The following DIS3 variants were observed in gnomAD, a reference collection of about 807,000 sequenced individuals.
DIS3 encodes the protein DIS3 exosome endoribonuclease and 3'-5' exoribonuclease.
Under a neutral mutation model 113.0 loss-of-function variants are expected in DIS3, and 103 were observed. The ratio of observed to expected loss-of-function variants is 0.91; its 90% CI spans 0.78 to 1.07. The LOEUF (loss-of-function observed/expected upper bound fraction) is 1.07, where lower values mean the gene tolerates loss of function less well. DIS3 is among the 50% of genes least tolerant of loss of function. DIS3 has a pLI of 0.00. For missense variants in DIS3, 1,121 were observed against 1,167.1 expected (o/e 0.96, Z 0.58); for synonymous variants, 402 against 394.3 (o/e 1.02, Z -0.23).
chr13:72,778,114 T>C, intron 3 of DIS3, 73 bp downstream of exon 3: 1 of 1,274,308 alleles, frequency 7.8e-7, no homozygotes, highest in Non-Finnish European at 1.1e-6. Flanking sequence ...AGTGAACATC[T>C]GACTATAGGC....
Position 72,755,676 on chromosome 13 carries a change from T to G in DIS3, c.*4119A>C. ...AAATCTTAGATATAAAACTAACTTTTCAAAGATACAAAAGAAATTAAACAG... is the reference window on the plus strand; with the variant it reads ...AAATCTTAGATATAAAACTAACTTTGCAAAGATACAAAAGAAATTAAACAG... On this transcript the variant is annotated 3_prime_UTR_variant, in exon 21 of 21. Transcript: ENST00000377767. The G allele has an allele frequency of 2.6e-6, 1 of 391,878 alleles. No individual in the cohort carries two copies. The highest frequency in any genetic ancestry group is 4.5e-6 in the Non-Finnish European group (1 of 222,374). The allele number at this position is 391,878 out of a possible 1,614,324, so 24.3% of individuals were successfully genotyped here.
In DIS3 at chr13:72,780,854, C is replaced by T; in HGVS notation, c.378G>A (p.Glu126=). Residue 126 remains glutamate (E), a synonymous_variant, in exon 2 of 21, where the codon GAG becomes GAA. Transcript: ENST00000377767. ...CGTAATATTCCTCCTACCTATGGTG[C>T]TCATTAGTGAAAGTATAGAAATGCT... ...QEKHFYTFTN[E]HHRETYVEQE... The T allele has an allele frequency of 6.2e-7, 1 of 1,606,072 alleles. No individual in the cohort carries two copies. Among genetic ancestry groups the T allele is most frequent in the Middle Eastern group, 1.7e-4 (1 of 6,006 alleles).
At chr13:72,776,729 T>C (rs2034026735) in intron 4 of DIS3, among the ~76,000 whole-genome samples, 1 of 152,188 alleles carries the variant, frequency 6.6e-6, no homozygotes, top group African/African-American at 2.4e-5. Context: ...TATAAGAAAA[T>C]GAATGCTCAG....
In DIS3 at chr13:72,763,445, C is replaced by T. The variant is rs767397978; in HGVS notation, c.2127+6G>A. The T allele has an allele frequency of 1.2e-6, 2 of 1,610,630 alleles. No individual in the cohort carries two copies. Among genetic ancestry groups the T allele is most frequent in the East Asian group, 4.5e-5 (2 of 44,830 alleles). The stretch of plus-strand genomic sequence containing the variant: ...ATAGATGATTTTTCAAACTGTAGGA[C>T]CTTACCCTTGACCTGGCTGCCTTAA... On this transcript the variant is annotated splice_donor_region_variant and intron_variant, in intron 16 of 20. Transcript: ENST00000377767.
rs371482929 is a variant in DIS3 at position 72,772,285 on chromosome 13, A to G, written c.1387-10T>C. ...CTCGGTTTTTCATGTCCTAGAAGAC[A>G]TGAAATGATAAACAAATAAATTATT... On this transcript the variant is annotated splice_polypyrimidine_tract_variant and intron_variant, in intron 9 of 20. Transcript: ENST00000377767. The G allele has an allele frequency of 2.4e-5, 38 of 1,571,786 alleles. No individual in the cohort carries two copies. Among genetic ancestry groups the G allele is most frequent in the African/African-American group, 4.1e-5 (3 of 73,590 alleles).
rs1199352813 is a variant in DIS3, at chr13:72,759,198, G to A, written c.*597C>T. The A allele has an allele frequency of 5.1e-6, 1 of 194,268 alleles. No individual in the cohort carries two copies. Among genetic ancestry groups the A allele is most frequent in the Non-Finnish European group, 1.1e-5 (1 of 93,310 alleles). 12.0% of individuals were successfully genotyped at this position (194,268 alleles called of 1,614,324 possible). A position where few individuals can be genotyped will look rare whatever the true frequency, so the allele number is the denominator to read the frequency against. On this transcript the variant is annotated 3_prime_UTR_variant, in exon 21 of 21. Coordinates refer to ENST00000377767, the MANE Select transcript of DIS3 (RefSeq NM_014953.5). ...AAAACACAACCATCTTTCCAGTCAG[G>A]TCAAAATATCCTACTTTTTGCCTTT...
chr13:72,772,330 A>G (rs749088082), intron 9 of DIS3, 55 bp from the exon 10 acceptor site: 22 of 1,291,688 alleles, frequency 1.7e-5, no homozygotes, highest in Non-Finnish European at 2.3e-5. Flanking sequence ...CAACTACAAC[A>G]TATTAATAGC....
In DIS3 at chr13:72,757,897, G is replaced by A. The variant is rs2033530047; in HGVS notation, c.*1898C>T. The A allele has an allele frequency of 4.9e-6, 1 of 204,024 alleles. No individual in the cohort carries two copies. 12.6% of individuals were successfully genotyped at this position (204,024 alleles called of 1,614,324 possible). A position where few individuals can be genotyped will look rare whatever the true frequency, so the allele number is the denominator to read the frequency against. On this transcript the variant is annotated 3_prime_UTR_variant, in exon 21 of 21. Transcript: ENST00000377767. ...AGCTGAAAAATTCCTATTGCCTGGGGACACAGCCATGGTAACATCATAGTG... is the reference window on the plus strand; with the variant it reads ...AGCTGAAAAATTCCTATTGCCTGGGAACACAGCCATGGTAACATCATAGTG...
chr13:72,769,454 T>C (rs1424730121), intron 13 of DIS3, among the ~76,000 whole-genome samples: 1 of 151,616 alleles, frequency 6.6e-6, no homozygotes, highest in African/African-American at 2.4e-5. Flanking sequence ...AAATAACTAC[T>C]TCTGTTCCTA....
intron 2 of DIS3, among the ~76,000 whole-genome samples, chr13:72,779,118 TA>T (rs1189808303): frequency 6.6e-6 from 1 of 151,804 alleles, no homozygotes; most frequent in South Asian, 2.1e-4. Flanking sequence ...ATGCACTTGC[TA>T]ATGCTTTTTT....
At chr13:72,763,839 G>T (rs997704680) in intron 15 of DIS3, among the ~76,000 whole-genome samples, 2 of 152,080 alleles carry the variant, frequency 1.3e-5, no homozygotes, top group East Asian at 3.9e-4. Flanking sequence ...AATCTTACAT[G>T]CTAGAGGAAA....
intron 19 of DIS3, among the ~76,000 whole-genome samples, chr13:72,761,011 G>C (rs1194582063): frequency 6.6e-6 from 1 of 152,042 alleles, no homozygotes; most frequent in African/African-American, 2.4e-5. Flanking sequence ...AAGGAGAATA[G>C]GGAGTATGTG....
intron 4 of DIS3, among the ~76,000 whole-genome samples, chr13:72,776,417 C>A (rs546385807): frequency 2.0e-5 from 3 of 152,016 alleles, no homozygotes; most frequent in African/African-American, 7.2e-5. Flanking sequence ...TAAGTGGCTA[C>A]ATATTAGGGC....
chr13:72,773,593 A>G (rs963907913), intron 8 of DIS3, 91 bp downstream of exon 8: 2 of 1,377,086 alleles, frequency 1.5e-6, no homozygotes, highest in Non-Finnish European at 2.0e-6. Context: ...CAAATTCTAC[A>G]TAAAAGTAGA....
rs148620716 is a variant in DIS3 at position 72,772,739 on chromosome 13, G to A, written c.1340C>T (p.Ala447Val). 1.9e-6 allele frequency: 3 copies of A among 1,613,252 alleles called. No homozygotes were observed. The African/African-American group carries it at 4.0e-5, about 22-fold the overall frequency. The change falls in exon 9 of 21, where the codon GCT becomes GTT. Residue 447 changes from alanine (A) to valine (V), a missense_variant. Ala to Val is a moderately conservative substitution (Grantham distance 64). Coordinates refer to ENST00000377767, the MANE Select transcript of DIS3 (RefSeq NM_014953.5). The stretch of plus-strand genomic sequence containing the variant: ...CATCTTTGGCAGAAAACTAAGAACA[G>A]CCTGTGAAAAAGGCTGATGGGGAAC... ...HDVPHQPFSQ[A>V]VLSFLPKMPW...
intron 1 of DIS3, chr13:72,781,390 T>A (rs1415914319): frequency 3.2e-6 from 5 of 1,545,662 alleles, no homozygotes; most frequent in Admixed American, 2.0e-5. Flanking sequence ...GTTAGAAAAA[T>A]AACGTGTCTG....
intron 4 of DIS3, among the ~76,000 whole-genome samples, chr13:72,776,989 C>T (rs2034032004): frequency 6.6e-6 from 1 of 152,190 alleles, no homozygotes; most frequent in African/African-American, 2.4e-5. Context: ...TTCATAGCAG[C>T]CCTTCAGGGA....
chr13:72,778,125 C>A lies in DIS3; in HGVS notation c.580+62G>T, dbSNP rs192422495. Reference sequence around the variant, plus strand: ...GTAAAGTGAACATCTGACTATAGGCCTAATGATTATTTTTACACGCATTTG... The same window carrying A: ...GTAAAGTGAACATCTGACTATAGGCATAATGATTATTTTTACACGCATTTG... On this transcript the variant is annotated intron_variant, in intron 3 of 20. Transcript: ENST00000377767. 3.6e-6 allele frequency: 5 copies of A among 1,386,756 alleles called. No individual in the cohort carries two copies. The Admixed American group carries it at 5.9e-5, about 16-fold the overall frequency. The allele number at this position is 1,386,756 out of a possible 1,614,324, so 85.9% of individuals were successfully genotyped here. A position where few individuals can be genotyped will look rare whatever the true frequency, so the allele number is the denominator to read the frequency against.
Position 72,755,296 on chromosome 13 carries a change from C to A in DIS3, c.*4499G>T. 7.9e-7 allele frequency: 1 copy of A among 1,260,298 alleles called. No individual in the cohort carries two copies. The highest frequency in any genetic ancestry group is 1.1e-6 in the Non-Finnish European group (1 of 878,114). The allele number at this position is 1,260,298 out of a possible 1,614,324, so 78.1% of individuals were successfully genotyped here. A position where few individuals can be genotyped will look rare whatever the true frequency, so the allele number is the denominator to read the frequency against. On this transcript the variant is annotated 3_prime_UTR_variant, in exon 21 of 21. Transcript: ENST00000377767. ...GTGCACAGGATCAACATGATGGTGA[C>A]TGGGAAAAAATTACTTCAAGTAACA...
Sources: gnomAD v4.1 joint callset for allele counts (sites outside exome capture counted in the v4.1 genomes callset) on GRCh38, gnomAD v4.1.1 for gene constraint, MANE v1.5 for transcripts, NCBI Gene and HGNC (gene_info 2026-07-23, HGNC 2026-07-21) for gene names.